Variants in SLCO3A1 observed in about 807,000 individuals in gnomAD.
SLCO3A1 encodes the protein PGE1 transporter.
A neutral mutation model predicts 63.1 loss-of-function variants in SLCO3A1; 27 were observed. That is an observed-to-expected ratio of 0.43 (90% CI 0.32 to 0.59). The LOEUF (loss-of-function observed/expected upper bound fraction) is 0.59. SLCO3A1 is among the 20% of genes least tolerant of loss of function. The pLI, the probability that SLCO3A1 is intolerant of heterozygous loss-of-function variation, is 0.09. For missense variants in SLCO3A1, 773 were observed against 945.8 expected (o/e 0.82, Z 2.40); for synonymous variants, 473 against 409.9 (o/e 1.15, Z -1.86).
At chr15:91,914,271 A>G (rs1290149962) in intron 1 of SLCO3A1, among the ~76,000 whole-genome samples, 1 of 152,194 alleles carries the variant, frequency 6.6e-6, no homozygotes, top group Non-Finnish European at 1.5e-5. Flanking sequence ...CCATGTAGGA[A>G]GGGAGAGGCT....
intron 2 of SLCO3A1, among the ~76,000 whole-genome samples, chr15:92,064,963 T>C (rs556431082): frequency 5.2e-4 from 79 of 152,148 alleles, no homozygotes; most frequent in Non-Finnish European, 9.4e-4. Context: ...CACAGCAAGG[T>C]GACTGTAGTT....
rs1449199115 is a variant in SLCO3A1, at chr15:91,950,659, A to ATG, written c.646+34203_646+34204dup. Among the ~76,000 whole-genome samples, 1 of 152,290 alleles carries ATG rather than the reference A, an allele frequency of 6.6e-6. No homozygotes were observed. Among genetic ancestry groups the ATG allele is most frequent in the East Asian group, 1.9e-4 (1 of 5,178 alleles). On this transcript the variant is annotated intron_variant, in intron 2 of 9. Transcript: ENST00000318445. The surrounding 1 kb of genome is among the most constrained non-coding windows in gnomAD (Gnocchi z 4.4). ...ACTGCATCTTCCCGCTGTTTATTTAATGTACATGTTGTCTGACTTCATTTG... is the reference window on the plus strand; with the variant it reads ...ACTGCATCTTCCCGCTGTTTATTTAATGTGTACATGTTGTCTGACTTCATTTG...
rs768609669 is a variant in SLCO3A1 at position 92,162,766 on chromosome 15, T to C, written c.1764T>C (p.Pro588=). The change falls in exon 10 of 10, where the codon CCT becomes CCC. Residue 588 remains proline (P), a synonymous_variant. Coordinates refer to ENST00000318445, the MANE Select transcript of SLCO3A1 (RefSeq NM_013272.4). ...FLLLRLLGFI[P]PPLIFGAGID... ...TTTTCCCGGTAACAGGCTTCATCCC[T>C]CCACCCCTCATCTTCGGGGCTGGCA... is the stretch of plus-strand genomic sequence containing the variant. The C allele has an allele frequency of 9.3e-6, 15 of 1,612,924 alleles. No homozygotes were observed. Among genetic ancestry groups the C allele is most frequent in the Middle Eastern group, 1.6e-4 (1 of 6,070 alleles).
intron 2 of SLCO3A1, among the ~76,000 whole-genome samples, chr15:92,084,919 C>A (rs1243192706): frequency 6.6e-6 from 1 of 152,170 alleles, no homozygotes; most frequent in Admixed American, 6.5e-5. Flanking sequence ...AGCCGCAGGG[C>A]CAGGCGGAAG....
In SLCO3A1 at chr15:92,164,764, T is replaced by G. The variant is rs78641225; in HGVS notation, c.*1629T>G. The stretch of plus-strand genomic sequence containing the variant: ...TGAACCTCAGAGAATGAACCTGTTA[T>G]GATTTGGGGTAAGAATCACGTTGGA... On this transcript the variant is annotated 3_prime_UTR_variant, in exon 10 of 10. Transcript: ENST00000318445. 9,422 of 985,400 alleles carry G rather than the reference T, an allele frequency of 9.6e-3. 137 individuals carry two copies. The highest frequency in any genetic ancestry group is 0.057 in the African/African-American group (3,272 of 57,326). The allele number at this position is 985,400 out of a possible 1,614,324, so 61.0% of individuals were successfully genotyped here.
intron 2 of SLCO3A1, among the ~76,000 whole-genome samples, chr15:92,022,376 C>G (rs1396712794): frequency 6.6e-6 from 1 of 152,006 alleles, no homozygotes; most frequent in South Asian, 2.1e-4. Flanking sequence ...CTTGTAAGGA[C>G]CAAGGGTAAT....
intron 2 of SLCO3A1, among the ~76,000 whole-genome samples, chr15:91,969,090 A>C (rs1446382791): frequency 2.0e-5 from 3 of 152,192 alleles, no homozygotes; most frequent in Non-Finnish European, 4.4e-5. Flanking sequence ...CCCGCTACAC[A>C]CTTTGAGAGG....
At position 91,885,204 on chromosome 15, in the gene SLCO3A1, C is replaced by T. The variant is rs750885113; in HGVS notation, c.181-30789C>T. ...TTGTCTCCCTCTTTGCTCCCTTTGG[C>T]GTCACTCTCCACGCCCAGTAACGAA... On this transcript the variant is annotated intron_variant, in intron 1 of 9. Transcript: ENST00000318445. The surrounding 1 kb of genome is among the most constrained non-coding windows in gnomAD (Gnocchi z 4.7). 6.6e-6 allele frequency among the ~76,000 whole-genome samples: 1 copy of T among 152,160 alleles called. No individual in the cohort carries two copies. Among genetic ancestry groups the T allele is most frequent in the East Asian group, 1.9e-4 (1 of 5,194 alleles).
intron 2 of SLCO3A1, among the ~76,000 whole-genome samples, chr15:91,982,908 A>G (rs994637122): frequency 6.6e-6 from 1 of 152,230 alleles, no homozygotes; most frequent in African/African-American, 2.4e-5. Flanking sequence ...GACCCTCTCC[A>G]GGGATGCCTT....
At chr15:92,160,191 T>C (rs536715760) in intron 9 of SLCO3A1, among the ~76,000 whole-genome samples, 6 of 152,122 alleles carry the variant, frequency 3.9e-5, no homozygotes, top group African/African-American at 1.2e-4. Flanking sequence ...CGTGCAGAGA[T>C]AGAAAGGTGA....
At chr15:91,892,179 C>T (rs1438488452) in intron 1 of SLCO3A1, among the ~76,000 whole-genome samples, 1 of 152,172 alleles carries the variant, frequency 6.6e-6, no homozygotes, top group Non-Finnish European at 1.5e-5. Context: ...AGGAAACAGG[C>T]TCAGGAAAGG....
intron 2 of SLCO3A1, among the ~76,000 whole-genome samples, chr15:91,918,366 G>A (rs72751904): frequency 0.085 from 13,017 of 152,246 alleles, 642 homozygotes; most frequent in Non-Finnish European, 0.099. Context: ...ATAAGTCTGA[G>A]TTGGGGGAGT....
Position 92,152,669 on chromosome 15 carries a change from G to A in SLCO3A1, c.1753+1655G>A, listed in dbSNP as rs139804017. On this transcript the variant is annotated intron_variant, in intron 9 of 9. Coordinates refer to ENST00000318445, the MANE Select transcript of SLCO3A1 (RefSeq NM_013272.4). Reference sequence around the variant, plus strand: ...ACTGCAGTGTGGGGTGGATCGATAGGTGGATGTGTAATATTAACTGGCACA... The same window carrying A: ...ACTGCAGTGTGGGGTGGATCGATAGATGGATGTGTAATATTAACTGGCACA... Among the ~76,000 whole-genome samples the A allele has an allele frequency of 2.6e-3, 392 of 152,286 alleles. 5 individuals are homozygous for A. Among genetic ancestry groups the A allele is most frequent in the African/African-American group, 8.6e-3 (359 of 41,550 alleles).
intron 7 of SLCO3A1, among the ~76,000 whole-genome samples, chr15:92,136,778 C>G (rs1403200002): frequency 6.6e-6 from 1 of 152,144 alleles, no homozygotes; most frequent in Non-Finnish European, 1.5e-5. Flanking sequence ...TGATTGCTGT[C>G]CTTGGTTTCT....
rs568836910 is a variant in SLCO3A1, at chr15:91,936,565, C to G, written c.646+20107C>G. Among the ~76,000 whole-genome samples the G allele has an allele frequency of 3.9e-5, 6 of 152,250 alleles. No individual in the cohort carries two copies. In the South Asian group the frequency reaches 6.2e-4, roughly 16 times the overall value. ...GATGACTGCGTGTTTTATTTTGGAA[C>G]TTTTTTCCTGATCCCAGTTTCTTTT... On this transcript the variant is annotated intron_variant, in intron 2 of 9. Coordinates refer to ENST00000318445, the MANE Select transcript of SLCO3A1 (RefSeq NM_013272.4).
At chr15:91,939,788 A>G (rs894407971) in intron 2 of SLCO3A1, among the ~76,000 whole-genome samples, 1 of 152,112 alleles carries the variant, frequency 6.6e-6, no homozygotes, top group Admixed American at 6.5e-5. Context: ...GCTGCTATAA[A>G]GACATCAGCA....
intron 2 of SLCO3A1, among the ~76,000 whole-genome samples, chr15:92,083,689 C>T (rs566550430): frequency 3.0e-4 from 46 of 152,156 alleles, no homozygotes; most frequent in African/African-American, 1.1e-3. Flanking sequence ...TGCATAGAAA[C>T]AGACGAGAAG....
chr15:92,097,726 G>GGAGGCACCGT (rs201285348), intron 3 of SLCO3A1, among the ~76,000 whole-genome samples: 1 of 152,016 alleles, frequency 6.6e-6, no homozygotes, highest in Non-Finnish European at 1.5e-5. Context: ...CGTCCTTCCC[G>GGAGGCACCGT]GAGGCACCGT....
intron 8 of SLCO3A1, among the ~76,000 whole-genome samples, chr15:92,148,097 A>C (rs757741916): frequency 1.3e-5 from 2 of 152,204 alleles, no homozygotes; most frequent in Non-Finnish European, 2.9e-5. Context: ...AATCCCAGCC[A>C]CTTGGGAGGC....
Sources: gnomAD v4.1 joint callset for allele counts (sites outside exome capture counted in the v4.1 genomes callset) on GRCh38, gnomAD v4.1.1 for gene constraint, Gnocchi (gnomAD v3.1) non-coding constraint, MANE v1.5 for transcripts, NCBI Gene and HGNC (gene_info 2026-07-23, HGNC 2026-07-21) for gene names.